Variants in CR1 observed in about 807,000 individuals in gnomAD.
CR1 encodes complement receptor type 1.
Under a neutral mutation model 187.3 loss-of-function variants are expected in CR1, and 116 were observed. The ratio of observed to expected loss-of-function variants is 0.62; its 90% CI spans 0.53 to 0.72. CR1 has a LOEUF of 0.72. Among genes scored for constraint, CR1 ranks in the 30% least tolerant of loss-of-function variants. The pLI, the probability that CR1 is intolerant of heterozygous loss-of-function variation, is 0.00. For synonymous variants in CR1, 576 were observed against 747.1 expected (o/e 0.77, Z 3.73); for missense variants, 1,731 against 2,110.7 (o/e 0.82, Z 3.52).
chr1:207,603,842 C>T (rs1440608835), intron 35 of CR1, among the ~76,000 whole-genome samples: 1 of 152,178 alleles, frequency 6.6e-6, no homozygotes, highest in Non-Finnish European at 1.5e-5. Context: ...AATGCACGAT[C>T]CTGCACACGT....
intron 5 of CR1, among the ~76,000 whole-genome samples, chr1:207,525,602 C>T (rs1189464175): frequency 6.6e-6 from 1 of 151,968 alleles, no homozygotes; most frequent in Non-Finnish European, 1.5e-5. Flanking sequence ...CATCATCCTG[C>T]TTTTTAATTT....
chr1:207,512,904 G>A (rs1223843297), intron 4 of CR1, among the ~76,000 whole-genome samples: 6 of 152,146 alleles, frequency 3.9e-5, no homozygotes, highest in Admixed American at 3.3e-4. Context: ...CTGGTAAATG[G>A]CCTCAAGTCT....
chr1:207,616,541 C>A (rs1232817534), intron 40 of CR1, 34 bp from the exon 41 acceptor site: 1 of 1,603,522 alleles, frequency 6.2e-7, no homozygotes, highest in Non-Finnish European at 8.5e-7. Flanking sequence ...AAGTGAAATT[C>A]TAATAGAACT....
At chr1:207,630,048 A>G (rs956637710) in intron 45 of CR1, among the ~76,000 whole-genome samples, 7 of 152,208 alleles carry the variant, frequency 4.6e-5, no homozygotes, top group Non-Finnish European at 7.3e-5. Flanking sequence ...GTTCTTAAAT[A>G]CCTTCATGAC....
intron 5 of CR1, among the ~76,000 whole-genome samples, chr1:207,525,037 AT>A (rs1660124814): frequency 6.6e-6 from 1 of 152,040 alleles, no homozygotes; most frequent in African/African-American, 2.4e-5. Context: ...GGAAGCACGC[AT>A]ATCTTCATAT....
chr1:207,523,553 A>T, intron 4 of CR1, 58 bp from the exon 5 acceptor site: 9 of 1,605,630 alleles, frequency 5.6e-6, no homozygotes, highest in Non-Finnish European at 7.7e-6. Context: ...GACTCATGAG[A>T]TTTCTGTCAT....
chr1:207,638,578 C>A (rs1197715105), intron 46 of CR1, among the ~76,000 whole-genome samples: 1 of 152,358 alleles, frequency 6.6e-6, no homozygotes, highest in East Asian at 1.9e-4. Context: ...GCCCAATATG[C>A]AGCCTTTCCT....
At chr1:207,505,824 A>G in intron 1 of CR1, 80 bp from the exon 2 acceptor site, 1 of 1,477,956 alleles carries the variant, frequency 6.8e-7, no homozygotes, top group South Asian at 1.3e-5. Flanking sequence ...TGATGGAGCC[A>G]GTCTCCGTCT....
At position 207,566,935 on chromosome 1, in the gene CR1, A is replaced by C. The variant is rs567061010; in HGVS notation, c.3953-889A>C. On this transcript the variant is annotated intron_variant, in intron 24 of 46. Transcript: ENST00000367049. ...GTAAAATTTTGGAAGAACATAACTT[A>C]TATAGAGATTCTTGCTGTCTAAGAA... Among the ~76,000 whole-genome samples the C allele has an allele frequency of 6.6e-5, 10 of 150,520 alleles. 1 individual carries two copies. Among genetic ancestry groups the C allele is most frequent in the African/African-American group, 2.5e-4 (10 of 39,902 alleles).
intron 35 of CR1, among the ~76,000 whole-genome samples, chr1:207,604,046 CTCTT>C (rs1457354212): frequency 2.6e-5 from 4 of 152,172 alleles, no homozygotes; most frequent in Admixed American, 6.5e-5. Flanking sequence ...ACAACAGTGA[CTCTT>C]TCTTTGAGTT....
At position 207,505,633 on chromosome 1, in the gene CR1, G is replaced by C. The variant is rs1218624930; in HGVS notation, c.122-271G>C. ...GGTAGATGACCTGAGGTCAGGAGTCGAGACCAGCCTGGCCAACATGGTAAA... is the reference window on the plus strand; with the variant it reads ...GGTAGATGACCTGAGGTCAGGAGTCCAGACCAGCCTGGCCAACATGGTAAA... On this transcript the variant is annotated intron_variant, in intron 1 of 46. Coordinates refer to ENST00000367049, the MANE Select transcript of CR1 (RefSeq NM_000651.6). Among the ~76,000 whole-genome samples the C allele has an allele frequency of 1.1e-4, 17 of 152,030 alleles. No homozygotes were observed. The East Asian group carries it at 3.1e-3, about 28-fold the overall frequency.
chr1:207,588,376 G>A (rs1390590146), intron 34 of CR1, among the ~76,000 whole-genome samples: 1 of 152,144 alleles, frequency 6.6e-6, no homozygotes, highest in Non-Finnish European at 1.5e-5. Flanking sequence ...TTGCCACGTT[G>A]GCCAGGCTGG....
At chr1:207,619,036 C>CAA (rs71727231) in intron 42 of CR1, among the ~76,000 whole-genome samples, 2,326 of 38,338 alleles carry the variant, frequency 0.061, 48 homozygotes, top group Non-Finnish European at 0.097. Flanking sequence ...GACTCCGTCT[C>CAA]AAAAAAAAAA....
intron 43 of CR1, among the ~76,000 whole-genome samples, chr1:207,620,521 A>G (rs1363266035): frequency 6.6e-6 from 1 of 152,184 alleles, no homozygotes; most frequent in Non-Finnish European, 1.5e-5. Context: ...TGGCAACTGG[A>G]AGGTACTGTA....
chr1:207,588,675 G>A lies in CR1; in HGVS notation c.5711G>A (p.Arg1904Gln). ...VWSSVEDNCR[R>Q]KSCGPPPEPF... ...TCCCAAATTCTGCTTCTTCCCCTAG[G>A]AAAATCATGTGGACCTCCACCAGAA... The change falls in exon 35 of 47, where the codon CGA becomes CAA. Residue 1904 changes from arginine (R) to glutamine (Q), a missense_variant and splice_region_variant. Around this residue, in one of 5 missense-constraint regions of CR1, gnomAD observed 1,312 missense variants for 1,379.6 expected, o/e 0.95. Transcript: ENST00000367049. 6.2e-7 allele frequency: 1 copy of A among 1,609,646 alleles called. No individual in the cohort carries two copies. Among genetic ancestry groups the A allele is most frequent in the Non-Finnish European group, 8.5e-7 (1 of 1,176,642 alleles).
intron 46 of CR1, among the ~76,000 whole-genome samples, chr1:207,638,680 C>T (rs1361263081): frequency 2.0e-5 from 3 of 152,206 alleles, no homozygotes; most frequent in Non-Finnish European, 4.4e-5. Flanking sequence ...GCAATCCTGT[C>T]TCCTGGACTG....
At chr1:207,567,030 A>G (rs1660522213) in intron 24 of CR1, among the ~76,000 whole-genome samples, 1 of 150,218 alleles carries the variant, frequency 6.7e-6, no homozygotes, top group South Asian at 2.1e-4. Flanking sequence ...CATTAACTGG[A>G]CTACTCAAGC....
Position 207,511,718 on chromosome 1 carries a change from A to G in CR1, c.487+64A>G. On this transcript the variant is annotated intron_variant, in intron 4 of 46. Transcript: ENST00000367049. Reference sequence around the variant, plus strand: ...CATTCTAATTTTTCTCTGGAATAATAAAAATCTTAACTGAATTCCTTCTGT... The same window carrying G: ...CATTCTAATTTTTCTCTGGAATAATGAAAATCTTAACTGAATTCCTTCTGT... 2.0e-6 allele frequency: 3 copies of G among 1,491,928 alleles called. 1 individual carries two copies. The South Asian group carries it at 3.4e-5, about 17-fold the overall frequency. The allele number at this position is 1,491,928 out of a possible 1,614,324, so 92.4% of individuals were successfully genotyped here. A position where few individuals can be genotyped will look rare whatever the true frequency, so the allele number is the denominator to read the frequency against.
At chr1:207,506,883 T>C in intron 3 of CR1, 70 bp downstream of exon 3, 6 of 1,269,878 alleles carry the variant, frequency 4.7e-6, no homozygotes, top group Non-Finnish European at 5.6e-6. Flanking sequence ...TACCTTCTAG[T>C]CACATGTCAG....
Sources: gnomAD v4.1 joint callset for allele counts (sites outside exome capture counted in the v4.1 genomes callset) on GRCh38, gnomAD v4.1.1 for gene constraint, gnomAD v4.1.1 regional missense constraint, MANE v1.5 for transcripts, NCBI Gene and HGNC (gene_info 2026-07-23, HGNC 2026-07-21) for gene names.